SLC39A14: variants seen among roughly 807,000 people sequenced by gnomAD.
SLC39A14 encodes solute carrier family 39 member 14.
In SLC39A14, 19 loss-of-function variants were observed where a neutral mutation model predicts 45.5. That is an observed-to-expected ratio of 0.42 (90% CI 0.29 to 0.61). SLC39A14 has a LOEUF of 0.61. Ranked by LOEUF, SLC39A14 falls within the 20% of genes least tolerant of loss-of-function variation. The probability of loss-of-function intolerance (pLI) is 0.22; values close to 1 mark genes in which losing one functional copy is unlikely to be tolerated. For missense variants in SLC39A14, 447 were observed against 616.5 expected, an observed-to-expected ratio of 0.73 and a Z score of 2.91; for synonymous variants, 264 against 251.3, an observed-to-expected ratio of 1.05 and a Z score of -0.48.
intron 1 of SLC39A14, chr8:22,398,792 G>T (rs1424585876): frequency 1.0e-6 from 1 of 979,790 alleles, no homozygotes; most frequent in Non-Finnish European, 1.2e-6. Flanking sequence ...CAAGTGAAGG[G>T]TGACGGTAGG....
chr8:22,429,165 G>A lies in SLC39A14; in HGVS notation c.1333-4726G>A, dbSNP rs374025531. ...CGGGCACCTGTGGTCCCAGCTACTC[G>A]GGAGGCTGAGGCAGGAGAATGGCAT... On this transcript the variant is annotated intron_variant, in intron 8 of 8. Transcript: ENST00000240095. Among the ~76,000 whole-genome samples, 34 of 152,216 alleles carry A rather than the reference G, an allele frequency of 2.2e-4. No homozygotes were observed. In the East Asian group the frequency reaches 5.6e-3, roughly 25 times the overall value.
At chr8:22,395,247 T>A (rs1236787177) in intron 1 of SLC39A14, among the ~76,000 whole-genome samples, 1 of 152,168 alleles carries the variant, frequency 6.6e-6, no homozygotes, top group Non-Finnish European at 1.5e-5. Context: ...TGACCTCAAG[T>A]GAGCCACTGC....
In SLC39A14 at chr8:22,420,858, A is replaced by G. The variant is rs770313236; in HGVS notation, c.*1160A>G. On this transcript the variant is annotated 3_prime_UTR_variant, in exon 9 of 9. Coordinates refer to ENST00000381237, the MANE Select transcript of SLC39A14 (RefSeq NM_001128431.4). ...ATGGTTGGCCTAATGATTATGCTAC[A>G]GATGGGTTTTAAATGACCCGTCTAG... 1 of 985,572 alleles carries G rather than the reference A, an allele frequency of 1.0e-6. No homozygotes were observed. Among genetic ancestry groups the G allele is most frequent in the Non-Finnish European group, 1.2e-6 (1 of 829,940 alleles). 61.1% of individuals were successfully genotyped at this position (985,572 alleles called of 1,614,324 possible).
chr8:22,373,780 T>TC (rs1833058000), intron 1 of SLC39A14, among the ~76,000 whole-genome samples: 1 of 151,602 alleles, frequency 6.6e-6, no homozygotes, highest in South Asian at 2.1e-4. Context: ...TTTTTTTTTT[T>TC]CCAAGGCAGA....
chr8:22,381,938 C>T (rs981219048), intron 1 of SLC39A14, among the ~76,000 whole-genome samples: 6 of 152,004 alleles, frequency 3.9e-5, no homozygotes, highest in African/African-American at 9.7e-5. Flanking sequence ...ATCAGGAGTC[C>T]GAGACCAGCC....
chr8:22,379,323 G>A (rs1364416772), intron 1 of SLC39A14: 8 of 152,298 alleles, frequency 5.3e-5, no homozygotes, highest in Admixed American at 2.6e-4. Context: ...AGTTATTTGC[G>A]GGGATAGTAT....
chr8:22,413,424 T>C (rs1334960560), intron 4 of SLC39A14, among the ~76,000 whole-genome samples: 1 of 152,220 alleles, frequency 6.6e-6, no homozygotes, highest in Non-Finnish European at 1.5e-5. Flanking sequence ...CTCAACCCCA[T>C]GATTCTGTAT....
downstream of SLC39A14, among the ~76,000 whole-genome samples, chr8:22,425,900 GTT>G (rs201657706): frequency 2.2e-5 from 2 of 90,948 alleles, no homozygotes; most frequent in African/African-American, 3.1e-5. Context: ...TTTTTTTTTT[GTT>G]TTTTTTTGAG....
rs959954357 is a variant in SLC39A14 at position 22,367,566 on chromosome 8, C to T, written c.-16+158C>T. On this transcript the variant is annotated intron_variant, in intron 1 of 8. Transcript: ENST00000381237. The surrounding 1 kb of genome is among the most constrained non-coding windows in gnomAD (Gnocchi z 4.2). The stretch of plus-strand genomic sequence containing the variant: ...CGCCCGGACGGCTGGGTGGAGGCTG[C>T]ACCTGGCCGTGGTGCCGCGCTGGCG... The T allele has an allele frequency of 5.9e-5, 9 of 152,540 alleles. No individual in the cohort carries two copies. Among genetic ancestry groups the T allele is most frequent in the Non-Finnish European group, 1.3e-4 (9 of 68,326 alleles). 9.4% of individuals were successfully genotyped at this position (152,540 alleles called of 1,614,324 possible).
At chr8:22,405,006 CTCT>C (rs748241889) in intron 2 of SLC39A14, 26 bp downstream of exon 2, 1 of 1,604,980 alleles carries the variant, frequency 6.2e-7, no homozygotes, top group Non-Finnish European at 8.5e-7. Context: ...GAGCCAGCAG[CTCT>C]GCTCAGCCCC....
At chr8:22,379,484 C>G (rs1184210343) in intron 1 of SLC39A14, 1 of 152,198 alleles carries the variant, frequency 6.6e-6, no homozygotes, top group Non-Finnish European at 1.5e-5. Flanking sequence ...ACCATCTGCT[C>G]CCCTCATGGT....
rs555772797 is a variant in SLC39A14, at chr8:22,422,067, T to C, written c.*2369T>C. ...TGCCTCATGAGTCAAAAATTGGCAA[T>C]TTCTTTTGATTTTTAGTTGTTGAAT... On this transcript the variant is annotated 3_prime_UTR_variant, in exon 9 of 9. Coordinates refer to ENST00000381237, the MANE Select transcript of SLC39A14 (RefSeq NM_001128431.4). The C allele has an allele frequency of 1.4e-5, 14 of 985,398 alleles. No individual in the cohort carries two copies. In the African/African-American group the frequency reaches 2.4e-4, roughly 17 times the overall value. The allele number at this position is 985,398 out of a possible 1,614,324, so 61.0% of individuals were successfully genotyped here. A position where few individuals can be genotyped will look rare whatever the true frequency, so the allele number is the denominator to read the frequency against.
intron 1 of SLC39A14, among the ~76,000 whole-genome samples, chr8:22,403,919 C>T (rs1318761927): frequency 1.2e-5 from 1 of 80,662 alleles, no homozygotes; most frequent in African/African-American, 3.1e-5. Flanking sequence ...GTCTCAAAAA[C>T]AAACAAACAA....
intron 8 of SLC39A14, among the ~76,000 whole-genome samples, chr8:22,428,805 TCTAA>T (rs1310334592): frequency 7.2e-5 from 11 of 152,166 alleles, no homozygotes; most frequent in Non-Finnish European, 2.9e-5. Context: ...ACTGCCTTGA[TCTAA>T]CTGATGATTT....
chr8:22,420,635 A>C lies in SLC39A14; in HGVS notation c.*937A>C. ...GCACAAACTATCCTCCCCCAGGTTG[A>C]GACGTCTGCAGAGTGGCAAGCTGAC... is the stretch of plus-strand genomic sequence containing the variant. On this transcript the variant is annotated 3_prime_UTR_variant, in exon 9 of 9. Transcript: ENST00000381237. The C allele has an allele frequency of 1.0e-6, 1 of 985,444 alleles. No homozygotes were observed. The highest frequency in any genetic ancestry group is 1.2e-6 in the Non-Finnish European group (1 of 829,940). 61.0% of individuals were successfully genotyped at this position (985,444 alleles called of 1,614,324 possible). A position where few individuals can be genotyped will look rare whatever the true frequency, so the allele number is the denominator to read the frequency against.
intron 1 of SLC39A14, among the ~76,000 whole-genome samples, chr8:22,397,163 T>C (rs962795074): frequency 6.6e-6 from 1 of 152,188 alleles, no homozygotes; most frequent in East Asian, 1.9e-4. Context: ...TTGCTTGTGG[T>C]CCTACCGAAA....
At chr8:22,387,494 A>G (rs896959474) in intron 1 of SLC39A14, among the ~76,000 whole-genome samples, 4 of 152,196 alleles carry the variant, frequency 2.6e-5, no homozygotes, top group African/African-American at 9.7e-5. Flanking sequence ...GGCAGTTTGC[A>G]GGACGTGGAG....
At position 22,421,102 on chromosome 8, in the gene SLC39A14, A is replaced by G; in HGVS notation, c.*1404A>G. The G allele has an allele frequency of 1.0e-6, 1 of 985,766 alleles. No individual in the cohort carries two copies. The highest frequency in any genetic ancestry group is 1.2e-6 in the Non-Finnish European group (1 of 829,906). 61.1% of individuals were successfully genotyped at this position (985,766 alleles called of 1,614,324 possible). A position where few individuals can be genotyped will look rare whatever the true frequency, so the allele number is the denominator to read the frequency against. Reference sequence around the variant, plus strand: ...ATTATTATCATATTGATAATGTGAGATTCTTTAGCCACTTTGGGGAGCCTG... The same window carrying G: ...ATTATTATCATATTGATAATGTGAGGTTCTTTAGCCACTTTGGGGAGCCTG... On this transcript the variant is annotated 3_prime_UTR_variant, in exon 9 of 9. Transcript: ENST00000381237.
At chr8:22,381,311 G>A (rs768405382) in intron 1 of SLC39A14, among the ~76,000 whole-genome samples, 21 of 149,496 alleles carry the variant, frequency 1.4e-4, no homozygotes, top group African/African-American at 4.4e-4. Context: ...GTCTCGCTCC[G>A]TCACCCAGAC....
Sources: allele counts gnomAD v4.1 joint callset (sites outside exome capture counted in the v4.1 genomes callset), GRCh38; gene constraint gnomAD v4.1.1; non-coding constraint Gnocchi (gnomAD v3.1); transcripts MANE v1.5; gene names NCBI Gene and HGNC (gene_info 2026-07-23, HGNC 2026-07-21).